Variants in PVT1 observed in about 807,000 individuals in gnomAD.
PVT1 encodes CXCR4/PVT1 fusion.
chr8:127,853,523 G>A (rs1815127869), intron 2 of PVT1, among the ~76,000 whole-genome samples: 1 of 152,170 alleles, frequency 6.6e-6, no homozygotes, highest in Non-Finnish European at 1.5e-5. Context: ...GCTCGAGCCT[G>A]TAATCCCAGC....
In PVT1 at chr8:128,040,676, G is replaced by A. The variant is rs552611787; in HGVS notation, n.913-29484G>A. Reference sequence around the variant, plus strand: ...AGGAGCCAGTCCATGGGGCCGCACAGCACAGATTAAGAGATTCAGAAATTA... The same window carrying A: ...AGGAGCCAGTCCATGGGGCCGCACAACACAGATTAAGAGATTCAGAAATTA... On this transcript the variant is annotated intron_variant and non_coding_transcript_variant, in intron 4 of 10. Transcript: ENST00000651587. Among the ~76,000 whole-genome samples, 4 of 152,310 alleles carry A rather than the reference G, an allele frequency of 2.6e-5. No individual in the cohort carries two copies. The East Asian group carries it at 7.7e-4, about 29-fold the overall frequency.
chr8:127,798,011 A>G (rs1481269699), intron 2 of PVT1, among the ~76,000 whole-genome samples: 3 of 152,090 alleles, frequency 2.0e-5, no homozygotes, highest in Non-Finnish European at 4.4e-5. Flanking sequence ...GAGGTTAAGA[A>G]CAAGCAAAGG....
chr8:127,823,978 A>C (rs1167716043), intron 2 of PVT1, among the ~76,000 whole-genome samples: 3 of 152,140 alleles, frequency 2.0e-5, no homozygotes, highest in African/African-American at 7.2e-5. Flanking sequence ...GGATCTCTTG[A>C]GCCCAGGAGT....
rs189207833 is a variant in PVT1 at position 127,994,451 on chromosome 8, G to A, written n.912+5160G>A. 3.6e-4 allele frequency among the ~76,000 whole-genome samples: 55 copies of A among 152,270 alleles called. 1 individual carries two copies. Among genetic ancestry groups the A allele is most frequent in the Non-Finnish European group, 2.9e-5 (2 of 68,016 alleles). ...AGTCAGTTGCTGAGATAGGCTATGA[G>A]GAGTTAACAGAGTGGATAAAAAAGA... On this transcript the variant is annotated intron_variant and non_coding_transcript_variant, in intron 4 of 10. Transcript: ENST00000651587.
chr8:127,917,971 T>C (rs1320350359), intron 3 of PVT1, among the ~76,000 whole-genome samples: 1 of 152,272 alleles, frequency 6.6e-6, no homozygotes, highest in Non-Finnish European at 1.5e-5. Context: ...GCAGCATTTC[T>C]AATAAGCAGC....
At chr8:127,994,767 C>T (rs62512836) in intron 4 of PVT1, among the ~76,000 whole-genome samples, 42,036 of 151,084 alleles carry the variant, frequency 0.28, 6,007 homozygotes, top group East Asian at 0.45. Context: ...GATTCCAGTC[C>T]AGATTCGAAG....
chr8:127,837,857 A>G (rs1280890542), intron 2 of PVT1, among the ~76,000 whole-genome samples: 1 of 151,424 alleles, frequency 6.6e-6, no homozygotes, highest in Non-Finnish European at 1.5e-5. Flanking sequence ...TGTGGGGTAG[A>G]GAATATCAGT....
At chr8:128,018,001 C>T (rs1053739092) in intron 4 of PVT1, among the ~76,000 whole-genome samples, 6 of 152,200 alleles carry the variant, frequency 3.9e-5, no homozygotes, top group Non-Finnish European at 8.8e-5. Flanking sequence ...TTTCAGAGAA[C>T]ATTTTCCGAA....
At chr8:127,819,387 T>A (rs1293057276) in intron 2 of PVT1, among the ~76,000 whole-genome samples, 2 of 152,198 alleles carry the variant, frequency 1.3e-5, no homozygotes, top group Admixed American at 1.3e-4. Context: ...TGCATCTGTA[T>A]TCAACCTGTA....
chr8:128,006,483 A>G (rs1053568051), intron 4 of PVT1, among the ~76,000 whole-genome samples: 1 of 152,050 alleles, frequency 6.6e-6, no homozygotes. Flanking sequence ...TCTACTGTAA[A>G]GTTTCTATTT....
intron 3 of PVT1, among the ~76,000 whole-genome samples, chr8:127,911,845 A>G (rs1297671389): frequency 6.6e-6 from 1 of 152,238 alleles, no homozygotes; most frequent in African/African-American, 2.4e-5. Flanking sequence ...CTTTGGCCTC[A>G]GGCCCTTATC....
chr8:127,858,805 C>CTTTTT (rs35886687), intron 2 of PVT1, among the ~76,000 whole-genome samples: 546 of 47,338 alleles, frequency 0.012, 163 homozygotes, highest in Non-Finnish European at 0.016. Context: ...CTTGAAGATT[C>CTTTTT]TTTTTTTTTT....
intron 5 of PVT1, among the ~76,000 whole-genome samples, chr8:128,081,714 T>C (rs995442360): frequency 4.6e-5 from 7 of 152,178 alleles, no homozygotes; most frequent in African/African-American, 1.7e-4. Context: ...GTTGCTGAAT[T>C]AGTGTCCACT....
rs1201472699 is a variant in PVT1, at chr8:127,889,039, TCTTC to T, written n.373-1492_373-1489del. Among the ~76,000 whole-genome samples, 128 of 82,576 alleles carry T rather than the reference TCTTC, an allele frequency of 1.6e-3. No individual in the cohort carries two copies. The East Asian group carries it at 0.033, about 21-fold the overall frequency. 54.2% of individuals were successfully genotyped at this position (82,576 alleles called of 152,430 possible). A position where few individuals can be genotyped will look rare whatever the true frequency, so the allele number is the denominator to read the frequency against. On this transcript the variant is annotated intron_variant and non_coding_transcript_variant, in intron 2 of 10. Coordinates refer to ENST00000651587, the Ensembl canonical transcript of PVT1. Reference sequence around the variant, plus strand: ...ACCCCTTTTCCTTTCTCTCTTTCTTTCTTCCTTCCTTCCTTCCTTCCTTCCTTCC... The same window carrying T: ...ACCCCTTTTCCTTTCTCTCTTTCTTTCTTCCTTCCTTCCTTCCTTCCTTCC...
At chr8:128,075,925 G>A (rs1485010281) in intron 5 of PVT1, among the ~76,000 whole-genome samples, 2 of 152,246 alleles carry the variant, frequency 1.3e-5, no homozygotes, top group East Asian at 1.9e-4. Context: ...GCTATCTTTT[G>A]GTAGCTACAA....
chr8:128,028,606 C>T (rs1032771848), intron 4 of PVT1, among the ~76,000 whole-genome samples: 7 of 152,180 alleles, frequency 4.6e-5, no homozygotes, highest in Non-Finnish European at 7.3e-5. Context: ...GACCTATCTG[C>T]TTCATGCCTC....
chr8:127,876,293 T>G (rs1358015438), intron 2 of PVT1, among the ~76,000 whole-genome samples: 1 of 151,642 alleles, frequency 6.6e-6, no homozygotes, highest in African/African-American at 2.4e-5. Context: ...TATGTGTGGT[T>G]TCACACTTGG....
intron 3 of PVT1, among the ~76,000 whole-genome samples, chr8:127,979,131 A>G (rs1052769459): frequency 4.6e-5 from 7 of 152,364 alleles, no homozygotes; most frequent in Middle Eastern, 3.4e-3. Context: ...GTGTAAGTTC[A>G]TCTATCTATT....
intron 5 of PVT1, among the ~76,000 whole-genome samples, chr8:128,088,044 C>A (rs1814281164): frequency 2.0e-5 from 3 of 152,142 alleles, no homozygotes. Flanking sequence ...CAGGTGTAAG[C>A]CACCGTGCCC....
Sources: allele counts gnomAD v4.1 joint callset (sites outside exome capture counted in the v4.1 genomes callset), GRCh38; gene constraint gnomAD v4.1.1; transcripts MANE v1.5; gene names NCBI Gene and HGNC (gene_info 2026-07-23, HGNC 2026-07-21).